Variants in PLPP3 observed in about 807,000 individuals in gnomAD.
The protein encoded by PLPP3 is phospholipid phosphatase 3.
A neutral mutation model predicts 29.6 loss-of-function variants in PLPP3; 6 were observed. The ratio of observed to expected loss-of-function variants is 0.20; its 90% CI spans 0.11 to 0.40. PLPP3 has a LOEUF of 0.40. Ranked by LOEUF, PLPP3 falls within the 10% of genes least tolerant of loss-of-function variation. The pLI is 1.00. For missense variants in PLPP3, 308 were observed against 407.7 expected (o/e 0.76, Z 2.11); for synonymous variants, 152 against 159.7 (o/e 0.95, Z 0.36).
intron 1 of PLPP3, among the ~76,000 whole-genome samples, chr1:56,565,385 C>T (rs1399202810): frequency 6.6e-5 from 10 of 152,174 alleles, no homozygotes; most frequent in South Asian, 6.2e-4. Context: ...CCCATTACCA[C>T]TGCCTGATGT....
rs752814070 is a variant in PLPP3 at position 56,496,696 on chromosome 1, A to G, written c.811-20T>C. 6 of 1,612,888 alleles carry G rather than the reference A, an allele frequency of 3.7e-6. No individual in the cohort carries two copies. The East Asian group carries it at 1.1e-4, about 30-fold the overall frequency. On this transcript the variant is annotated intron_variant, in intron 5 of 5. Coordinates refer to ENST00000371250, the MANE Select transcript of PLPP3 (RefSeq NM_003713.5). ...GAAAACCTAGAAGCACAAATCAGAG[A>G]TCGAAGTCAGTAACTGACATCGGGG... is the stretch of plus-strand genomic sequence containing the variant.
intron 1 of PLPP3, among the ~76,000 whole-genome samples, chr1:56,566,453 T>C (rs777626346): frequency 2.2e-4 from 34 of 152,138 alleles, no homozygotes; most frequent in Admixed American, 2.6e-4. Flanking sequence ...TATAGGCTCA[T>C]TGGGAGGATT....
chr1:56,520,092 A>T (rs1645808744), intron 4 of PLPP3, among the ~76,000 whole-genome samples: 2 of 152,102 alleles, frequency 1.3e-5, no homozygotes, highest in African/African-American at 4.8e-5. Context: ...TGATTGAGAG[A>T]TAAATAGACA....
At chr1:56,519,294 C>T (rs1003396557) in intron 4 of PLPP3, among the ~76,000 whole-genome samples, 5 of 152,176 alleles carry the variant, frequency 3.3e-5, no homozygotes, top group African/African-American at 7.2e-5. Flanking sequence ...ACTACCTCTA[C>T]TGCCACTCTC....
At chr1:56,505,196 C>T (rs1180462822) in intron 5 of PLPP3, among the ~76,000 whole-genome samples, 1 of 152,214 alleles carries the variant, frequency 6.6e-6, no homozygotes, top group East Asian at 1.9e-4. Context: ...GCACAATTCA[C>T]AATCAATATG....
intron 1 of PLPP3, among the ~76,000 whole-genome samples, chr1:56,572,810 G>A (rs931051629): frequency 6.6e-6 from 1 of 152,104 alleles, no homozygotes; most frequent in Non-Finnish European, 1.5e-5. Context: ...TAATGATAAC[G>A]TGATTTTGAA....
intron 1 of PLPP3, among the ~76,000 whole-genome samples, chr1:56,547,737 C>T (rs554165232): frequency 6.6e-6 from 1 of 152,310 alleles, no homozygotes; most frequent in South Asian, 2.1e-4. Flanking sequence ...TCAGCACACC[C>T]CTAACCCATT....
chr1:56,506,680 C>T lies in PLPP3; in HGVS notation c.810+5296G>A, dbSNP rs115679517. ...AGTTGTCACCAGACAGGAAATGAAC[C>T]GATGTCTGTTCCTTCGTCCTAGTCC... On this transcript the variant is annotated intron_variant, in intron 5 of 5. Transcript: ENST00000371250. Among the ~76,000 whole-genome samples, 517 of 152,260 alleles carry T rather than the reference C, an allele frequency of 3.4e-3. 1 individual carries two copies. The highest frequency in any genetic ancestry group is 0.012 in the African/African-American group (496 of 41,536).
At chr1:56,520,019 T>G (rs1016032360) in intron 4 of PLPP3, among the ~76,000 whole-genome samples, 11 of 152,322 alleles carry the variant, frequency 7.2e-5, no homozygotes, top group African/African-American at 2.6e-4. Flanking sequence ...TTTGTCTTGA[T>G]GGCTCCCCAT....
chr1:56,542,063 C>A (rs1475632494), intron 1 of PLPP3, among the ~76,000 whole-genome samples: 1 of 151,294 alleles, frequency 6.6e-6, no homozygotes, highest in African/African-American at 2.4e-5. Context: ...ACTTCATATA[C>A]CTCTGGGGAT....
intron 5 of PLPP3, among the ~76,000 whole-genome samples, chr1:56,497,194 G>A (rs950029842): frequency 2.6e-5 from 4 of 152,166 alleles, no homozygotes; most frequent in African/African-American, 9.7e-5. Flanking sequence ...ATTTGACGGG[G>A]GTCAAGAAAC....
chr1:56,550,148 C>T lies in PLPP3; in HGVS notation c.140-13036G>A, dbSNP rs541198013. Among the ~76,000 whole-genome samples, 12 of 152,276 alleles carry T rather than the reference C, an allele frequency of 7.9e-5. No homozygotes were observed. In the South Asian group the frequency reaches 2.5e-3, roughly 32 times the overall value. On this transcript the variant is annotated intron_variant, in intron 1 of 5. Coordinates refer to ENST00000371250, the MANE Select transcript of PLPP3 (RefSeq NM_003713.5). ...GGAGGGGAGCCACTCACAAACTGGG[C>T]AGCTGCTTCCTGTAGTCAGAAATCC...
intron 4 of PLPP3, among the ~76,000 whole-genome samples, chr1:56,514,064 T>A (rs1321517987): frequency 6.6e-6 from 1 of 151,228 alleles, no homozygotes; most frequent in Non-Finnish European, 1.5e-5. Flanking sequence ...ATACGTTAAA[T>A]TAAATTTAAA....
chr1:56,519,186 G>C (rs1645802546), intron 4 of PLPP3, among the ~76,000 whole-genome samples: 3 of 152,132 alleles, frequency 2.0e-5, no homozygotes, highest in Non-Finnish European at 4.4e-5. Flanking sequence ...AGCCATCCAA[G>C]CTGTACTGAA....
chr1:56,566,264 C>T (rs1300167833), intron 1 of PLPP3, among the ~76,000 whole-genome samples: 3 of 152,186 alleles, frequency 2.0e-5, no homozygotes, highest in African/African-American at 7.2e-5. Flanking sequence ...TGGAGAAAAG[C>T]ATGGGATTCA....
At chr1:56,565,490 G>A (rs187675056) in intron 1 of PLPP3, among the ~76,000 whole-genome samples, 10 of 151,952 alleles carry the variant, frequency 6.6e-5, no homozygotes, top group Admixed American at 5.2e-4. Flanking sequence ...GCACAGTCTC[G>A]GCTCACTGCA....
At chr1:56,498,483 C>T (rs1645644007) in intron 5 of PLPP3, among the ~76,000 whole-genome samples, 1 of 152,178 alleles carries the variant, frequency 6.6e-6, no homozygotes, top group Admixed American at 6.5e-5. Flanking sequence ...TTATCTCCCC[C>T]AGTGGCCTTA....
At chr1:56,500,456 A>T (rs573853498) in intron 5 of PLPP3, among the ~76,000 whole-genome samples, 12 of 152,346 alleles carry the variant, frequency 7.9e-5, no homozygotes, top group Admixed American at 4.6e-4. Flanking sequence ...TTAACCAGGC[A>T]GTGAATGCTA....
chr1:56,550,734 C>G (rs1370684106), intron 1 of PLPP3, among the ~76,000 whole-genome samples: 2 of 152,138 alleles, frequency 1.3e-5, no homozygotes, highest in Admixed American at 1.3e-4. Flanking sequence ...CACCCACCCC[C>G]ACACATACAC....
Sources: gnomAD v4.1 joint callset for allele counts (sites outside exome capture counted in the v4.1 genomes callset) on GRCh38, gnomAD v4.1.1 for gene constraint, MANE v1.5 for transcripts, NCBI Gene and HGNC (gene_info 2026-07-23, HGNC 2026-07-21) for gene names.